The following NSUN2 variants were observed in gnomAD, a reference collection of about 807,000 sequenced individuals.
NSUN2 encodes the protein NOP2/Sun RNA methyltransferase 2, also known as RNA cytosine C(5)-methyltransferase NSUN2.
A neutral mutation model predicts 92.7 loss-of-function variants in NSUN2; 63 were observed. That is an observed-to-expected ratio of 0.68 (90% CI 0.56 to 0.84). The LOEUF is 0.84. Ranked by LOEUF, NSUN2 falls within the 40% of genes least tolerant of loss-of-function variation. NSUN2 has a pLI of 0.00. For missense variants in NSUN2, 989 were observed against 964.9 expected (o/e 1.02, Z -0.33); for synonymous variants, 356 against 348.3 (o/e 1.02, Z -0.25).
At position 6,621,909 on chromosome 5, in the gene NSUN2, AT is replaced by A. The variant is rs1003901948; in HGVS notation, c.622+106del. ...TAGACGGAAAACCCAACTGCTTGTC[AT>A]AGGAGACTTTAGAGCCAAATTAGCA... On this transcript the variant is annotated intron_variant, in intron 6 of 18. Coordinates refer to ENST00000264670, the MANE Select transcript of NSUN2 (RefSeq NM_017755.6). 7 of 898,944 alleles carry A rather than the reference AT, an allele frequency of 7.8e-6. No homozygotes were observed. In the African/African-American group the frequency reaches 1.2e-4, roughly 15 times the overall value. The allele number at this position is 898,944 out of a possible 1,614,324, so 55.7% of individuals were successfully genotyped here.
Position 6,611,802 on chromosome 5 carries a change from T to G in NSUN2, c.1022-4A>C. On this transcript the variant is annotated splice_polypyrimidine_tract_variant and splice_region_variant and intron_variant, in intron 9 of 18. Transcript: ENST00000264670. The stretch of plus-strand genomic sequence containing the variant: ...ACATCAGCAAGCTCCAAAGCACCTG[T>G]GCAGCAAAAGCATGGACGTCTTTTG... 1 of 1,614,028 alleles carries G rather than the reference T, an allele frequency of 6.2e-7. No individual in the cohort carries two copies. The highest frequency in any genetic ancestry group is 8.5e-7 in the Non-Finnish European group (1 of 1,179,924).
intron 8 of NSUN2, 152 bp from the exon 9 acceptor site, chr5:6,617,009 AAACTT>A: frequency 1.8e-6 from 1 of 554,284 alleles, no homozygotes; most frequent in East Asian, 3.2e-5. Context: ...AAGTTAGAGT[AAACTT>A]ATATAAAGTG....
At chr5:6,600,263 T>C (rs552044100) in intron 18 of NSUN2, 31 bp from the exon 19 acceptor site, 30 of 1,583,904 alleles carry the variant, frequency 1.9e-5, no homozygotes, top group East Asian at 4.5e-5. Flanking sequence ...ATGTAGAACA[T>C]TAAACATTCC....
intron 11 of NSUN2, 152 bp downstream of exon 11, chr5:6,610,803 A>T (rs1379592731): frequency 1.3e-6 from 1 of 779,966 alleles, no homozygotes; most frequent in Non-Finnish European, 2.0e-6. Context: ...CTGGCTGGGA[A>T]GTTCACACAC....
At chr5:6,619,461 G>C (rs1235631751) in intron 7 of NSUN2, among the ~76,000 whole-genome samples, 1 of 151,492 alleles carries the variant, frequency 6.6e-6, no homozygotes, top group East Asian at 1.9e-4. Flanking sequence ...CATCATCCGT[G>C]CACCTCCTAT....
intron 6 of NSUN2, 149 bp from the exon 7 acceptor site, chr5:6,620,447 T>C: frequency 1.8e-6 from 1 of 551,778 alleles, no homozygotes; most frequent in Non-Finnish European, 3.0e-6. Context: ...TTACGTTAAG[T>C]GGTTCAAAAA....
chr5:6,628,243 G>A (rs1737731762), intron 3 of NSUN2, among the ~76,000 whole-genome samples: 1 of 152,170 alleles, frequency 6.6e-6, no homozygotes, highest in Non-Finnish European at 1.5e-5. Flanking sequence ...AGCTACCTGG[G>A]ACGCTGAGGT....
At chr5:6,606,977 C>T in intron 13 of NSUN2, 65 bp from the exon 14 acceptor site, 2 of 1,074,288 alleles carry the variant, frequency 1.9e-6, no homozygotes, top group Non-Finnish European at 2.8e-6. Flanking sequence ...ATACCAAAAG[C>T]ACATTCTTCC....
intron 3 of NSUN2, among the ~76,000 whole-genome samples, chr5:6,626,758 AC>A (rs1320004748): frequency 1.3e-5 from 2 of 152,224 alleles, no homozygotes; most frequent in African/African-American, 4.8e-5. Context: ...AACCAAGTGT[AC>A]CACGTCACAC....
chr5:6,603,705 A>AAAAAC (rs561333277), intron 17 of NSUN2, among the ~76,000 whole-genome samples: 268 of 152,258 alleles, frequency 1.8e-3, no homozygotes, highest in Middle Eastern at 6.8e-3. Flanking sequence ...AAAAAAAGAA[A>AAAAAC]AAAACAAATT....
At chr5:6,615,348 C>T (rs1160630567) in intron 9 of NSUN2, among the ~76,000 whole-genome samples, 1 of 152,166 alleles carries the variant, frequency 6.6e-6, no homozygotes, top group Non-Finnish European at 1.5e-5. Context: ...TCCTAAATTC[C>T]TAGCTAATGA....
chr5:6,620,938 T>C (rs1737410879), intron 6 of NSUN2: 1 of 152,276 alleles, frequency 6.6e-6, no homozygotes, highest in African/African-American at 2.4e-5. Context: ...CAAGGCTCTT[T>C]ACTGCCAATG....
intron 3 of NSUN2, among the ~76,000 whole-genome samples, chr5:6,630,441 G>T (rs1737831023): frequency 6.6e-6 from 1 of 152,152 alleles, no homozygotes; most frequent in African/African-American, 2.4e-5. Flanking sequence ...TAGTGTCTGG[G>T]ATTACAGGCG....
intron 15 of NSUN2, 151 bp downstream of exon 15, chr5:6,605,122 C>G: frequency 9.7e-7 from 1 of 1,032,042 alleles, no homozygotes; most frequent in South Asian, 1.5e-5. Context: ...GTCAACAGCT[C>G]TGAAATCAAA....
intron 18 of NSUN2, among the ~76,000 whole-genome samples, chr5:6,602,084 G>A (rs1324679821): frequency 6.6e-6 from 1 of 152,214 alleles, no homozygotes; most frequent in Admixed American, 6.5e-5. Flanking sequence ...GCAGTAACAT[G>A]TCAGCAACAC....
chr5:6,605,360 A>T lies in NSUN2; in HGVS notation c.1650T>A (p.Thr550=). 1 of 1,614,216 alleles carries T rather than the reference A, an allele frequency of 6.2e-7. No individual in the cohort carries two copies. Among genetic ancestry groups the T allele is most frequent in the Non-Finnish European group, 8.5e-7 (1 of 1,180,034 alleles). Residue 550 remains threonine, a synonymous_variant, in exon 15 of 19, where the codon ACT becomes ACA. Transcript: ENST00000264670. Reference sequence around the variant, plus strand: ...GCCTTTTCTTCCCTTCTGTAGTCCGAGTTAACAAATTCATCCTTGGGAATG... The same window carrying T: ...GCCTTTTCTTCCCTTCTGTAGTCCGTGTTAACAAATTCATCCTTGGGAATG... ...DPSFPRMNLL[T]RTTEGKKRQL... is the part of the protein sequence containing the mutation.
chr5:6,603,524 T>C (rs1046604750), intron 17 of NSUN2, among the ~76,000 whole-genome samples: 7 of 152,062 alleles, frequency 4.6e-5, no homozygotes, highest in Non-Finnish European at 8.8e-5. Flanking sequence ...ACCCCGTCTC[T>C]ACTAAAAATA....
intron 1 of NSUN2, 42 bp from the exon 2 acceptor site, chr5:6,632,798 C>G: frequency 6.3e-7 from 1 of 1,588,836 alleles, no homozygotes; most frequent in Non-Finnish European, 8.6e-7. Context: ...CCCAAGGAGC[C>G]GCCCCCTCGC....
At chr5:6,632,467 T>C in intron 2 of NSUN2, 132 bp downstream of exon 2, 1 of 1,044,674 alleles carries the variant, frequency 9.6e-7, no homozygotes, top group South Asian at 1.5e-5. Flanking sequence ...CCCACCTCAA[T>C]GCTTCCTGAA....
Sources: allele counts gnomAD v4.1 joint callset (sites outside exome capture counted in the v4.1 genomes callset), GRCh38; gene constraint gnomAD v4.1.1; transcripts MANE v1.5; gene names NCBI Gene and HGNC (gene_info 2026-07-23, HGNC 2026-07-21).